Variants in RPSA2 observed in about 807,000 individuals in gnomAD.
RPSA2 encodes the protein ribosomal protein SA 2.
At chr19:23,825,594 C>CT in the RPSA2 span, among the ~76,000 whole-genome samples, 19 of 150,918 alleles carry the variant, frequency 1.3e-4, no homozygotes, top group East Asian at 9.8e-4. Context: ...ATAAAATACT[C>CT]TTTTTTTTTG....
chr19:23,768,715 G>A, the RPSA2 span, among the ~76,000 whole-genome samples: 1 of 147,738 alleles, frequency 6.8e-6, no homozygotes, highest in African/African-American at 2.5e-5. Flanking sequence ...AGCCTCCCTA[G>A]TAGCTGGGAT....
the RPSA2 span, among the ~76,000 whole-genome samples, chr19:23,812,388 CTTTT>C: frequency 7.9e-5 from 9 of 114,182 alleles, no homozygotes; most frequent in Non-Finnish European, 1.0e-4. Flanking sequence ...CTCTTTTTCT[CTTTT>C]TTTTTTTTTG....
At chr19:23,846,413 T>C in the RPSA2 span, among the ~76,000 whole-genome samples, 1 of 152,196 alleles carries the variant, frequency 6.6e-6, no homozygotes, top group Non-Finnish European at 1.5e-5. Context: ...TTTAATAAAA[T>C]TATGTCCTAT....
At chr19:23,853,751 T>C in the RPSA2 span, among the ~76,000 whole-genome samples, 1 of 152,142 alleles carries the variant, frequency 6.6e-6, no homozygotes, top group Non-Finnish European at 1.5e-5. Flanking sequence ...ACCCCAAAGA[T>C]TAATGGGGAT....
At chr19:23,804,300 C>CT in the RPSA2 span, among the ~76,000 whole-genome samples, 4 of 148,462 alleles carry the variant, frequency 2.7e-5, no homozygotes, top group Admixed American at 6.7e-5. Context: ...TTTTCTTTTT[C>CT]TTTTTTTTCT....
the RPSA2 span, chr19:23,832,583 C>A: frequency 8.7e-7 from 1 of 1,142,994 alleles, no homozygotes; most frequent in South Asian, 1.4e-5. Context: ...TGCTTTTAGC[C>A]AGTCCCCATA....
chr19:23,793,094 A>C, the RPSA2 span, among the ~76,000 whole-genome samples: 1 of 152,202 alleles, frequency 6.6e-6, no homozygotes, highest in South Asian at 2.1e-4. Flanking sequence ...TGACTACTGA[A>C]GACAAAGTCA....
chr19:23,794,855 A>C, the RPSA2 span, among the ~76,000 whole-genome samples: 1 of 152,156 alleles, frequency 6.6e-6, no homozygotes, highest in East Asian at 1.9e-4. Flanking sequence ...TGTTGAGTTG[A>C]TTTTTGTATA....
the RPSA2 span, among the ~76,000 whole-genome samples, chr19:23,840,373 T>C: frequency 1.3e-5 from 2 of 152,302 alleles, no homozygotes; most frequent in Non-Finnish European, 1.5e-5. Context: ...CCGTGAAATA[T>C]TGAAAGTATT....
the RPSA2 span, among the ~76,000 whole-genome samples, chr19:23,804,213 G>C: frequency 1.3e-5 from 2 of 151,922 alleles, no homozygotes; most frequent in Non-Finnish European, 2.9e-5. Context: ...ATAAAGAATG[G>C]TTGTCTTCAT....
chr19:23,803,257 T>C, the RPSA2 span, among the ~76,000 whole-genome samples: 30 of 152,008 alleles, frequency 2.0e-4, no homozygotes, highest in African/African-American at 7.3e-4. Context: ...CTCTGGAGTC[T>C]TGTCTCACAG....
the RPSA2 span, among the ~76,000 whole-genome samples, chr19:23,765,974 C>A: frequency 6.6e-4 from 4 of 6,054 alleles, no homozygotes; most frequent in African/African-American, 7.2e-4. Flanking sequence ...AATACTTGTA[C>A]ATAAAAAGAC....
At chr19:23,801,418 T>G in the RPSA2 span, among the ~76,000 whole-genome samples, 3 of 152,110 alleles carry the variant, frequency 2.0e-5, no homozygotes, top group African/African-American at 7.2e-5. Context: ...TTGTATTACT[T>G]TTTTCAGCAG....
chr19:23,846,001 A>T, the RPSA2 span, among the ~76,000 whole-genome samples: 2 of 152,194 alleles, frequency 1.3e-5, no homozygotes, highest in African/African-American at 4.8e-5. Flanking sequence ...TAATGCTGTG[A>T]GTAGAATGCT....
the RPSA2 span, among the ~76,000 whole-genome samples, chr19:23,802,840 G>A: frequency 6.6e-6 from 1 of 151,564 alleles, no homozygotes; most frequent in South Asian, 2.1e-4. Context: ...AAATAGACAT[G>A]TGCAAAAATA....
At chr19:23,840,825 T>G in the RPSA2 span, among the ~76,000 whole-genome samples, 5 of 151,212 alleles carry the variant, frequency 3.3e-5, 1 homozygote, top group Non-Finnish European at 7.4e-5. Context: ...AGCCGGACAC[T>G]GTGGCACGTG....
At chr19:23,817,339 G>A in the RPSA2 span, among the ~76,000 whole-genome samples, 1 of 152,140 alleles carries the variant, frequency 6.6e-6, no homozygotes, top group Non-Finnish European at 1.5e-5. Context: ...CCAAGATTGT[G>A]CCATTGCACT....
the RPSA2 span, among the ~76,000 whole-genome samples, chr19:23,830,482 C>G: frequency 6.6e-6 from 1 of 152,144 alleles, no homozygotes; most frequent in African/African-American, 2.4e-5. Flanking sequence ...CAAAGATAAT[C>G]TTTTTGTCTT....
At chr19:23,834,587 T>G in the RPSA2 span, among the ~76,000 whole-genome samples, 7 of 152,086 alleles carry the variant, frequency 4.6e-5, no homozygotes, top group African/African-American at 1.7e-4. Context: ...TTAATTTTAG[T>G]TAAAATTAGG....
Sources: allele counts gnomAD v4.1 joint callset (sites outside exome capture counted in the v4.1 genomes callset), GRCh38; gene constraint gnomAD v4.1.1; transcripts MANE v1.5; gene names NCBI Gene and HGNC (gene_info 2026-07-23, HGNC 2026-07-21).